The following PVT1 variants were observed in gnomAD, a reference collection of about 807,000 sequenced individuals.
The protein encoded by PVT1 is CXCR4/PVT1 fusion.
chr8:128,033,489 C>T (rs778217432), intron 4 of PVT1, among the ~76,000 whole-genome samples: 6 of 152,210 alleles, frequency 3.9e-5, no homozygotes, highest in Admixed American at 1.3e-4. Context: ...AGGTTGCTAT[C>T]GCCACAGGCT....
intron 2 of PVT1, among the ~76,000 whole-genome samples, chr8:127,816,824 T>C (rs909196403): frequency 6.6e-6 from 1 of 152,210 alleles, no homozygotes; most frequent in African/African-American, 2.4e-5. Flanking sequence ...TTTACTTCCT[T>C]TAGAGCTTTA....
Position 127,984,899 on chromosome 8 carries a change from TTCTTTCTTTCTTTCTTTCTTTCTCTTTC to T in PVT1, n.783-4244_783-4217del, listed in dbSNP as rs1347645743. Among the ~76,000 whole-genome samples the T allele has an allele frequency of 4.2e-3, 400 of 94,392 alleles. 18 individuals are homozygous for T. The highest frequency in any genetic ancestry group is 0.013 in the African/African-American group (379 of 28,568). 61.9% of individuals were successfully genotyped at this position (94,392 alleles called of 152,430 possible). On this transcript the variant is annotated intron_variant and non_coding_transcript_variant, in intron 3 of 10. Coordinates refer to ENST00000651587, the Ensembl canonical transcript of PVT1. Reference sequence around the variant, plus strand: ...TTTCTTTCTTTCTTTCTTTCTTTCTTTCTTTCTTTCTTTCTTTCTTTCTCTTTCTCTTTCTTTCTTTCTTTCCCCTTCC... The same window carrying T: ...TTTCTTTCTTTCTTTCTTTCTTTCTTTCTTTCTTTCTTTCTTTCCCCTTCC...
chr8:127,990,010 A>G (rs934745608), intron 4 of PVT1, among the ~76,000 whole-genome samples: 6 of 152,224 alleles, frequency 3.9e-5, no homozygotes, highest in African/African-American at 1.4e-4. Flanking sequence ...AATGCTCCAA[A>G]AGGGAAGAGA....
intron 2 of PVT1, among the ~76,000 whole-genome samples, chr8:127,797,135 C>T (rs2130183493): frequency 6.6e-6 from 1 of 152,206 alleles, no homozygotes; most frequent in South Asian, 2.1e-4. Flanking sequence ...GCCTTGGCCT[C>T]CCAAAATGCT....
intron 2 of PVT1, among the ~76,000 whole-genome samples, chr8:127,837,374 A>G (rs1586400489): frequency 6.8e-6 from 1 of 146,148 alleles, no homozygotes; most frequent in African/African-American, 2.5e-5. Flanking sequence ...GCATTGTATC[A>G]CTGAAGCGTT....
chr8:127,999,380 C>T (rs1390036380), intron 4 of PVT1: 2 of 152,084 alleles, frequency 1.3e-5, no homozygotes, highest in African/African-American at 4.8e-5. Flanking sequence ...GTAAATATTT[C>T]TCCAGGTATC....
chr8:127,936,352 G>A lies in PVT1; in HGVS notation n.782+45354G>A, dbSNP rs55912407. ...TAGGCGTGAGCCACCCCACCTGGTC[G>A]ACAGTGTCTTCTCTAAGCAGAACTG... On this transcript the variant is annotated intron_variant and non_coding_transcript_variant, in intron 3 of 10. Transcript: ENST00000651587. Among the ~76,000 whole-genome samples, 569 of 152,122 alleles carry A rather than the reference G, an allele frequency of 3.7e-3. 4 individuals are homozygous for A. Among genetic ancestry groups the A allele is most frequent in the African/African-American group, 0.013 (530 of 41,504 alleles).
chr8:127,958,364 C>T (rs1329108244), intron 3 of PVT1, among the ~76,000 whole-genome samples: 4 of 152,078 alleles, frequency 2.6e-5, no homozygotes, highest in African/African-American at 4.8e-5. Flanking sequence ...CTCAGCCCCC[C>T]GAGTAGGTGA....
intron 3 of PVT1, among the ~76,000 whole-genome samples, chr8:127,964,084 C>T (rs754968112): frequency 3.8e-4 from 58 of 152,198 alleles, no homozygotes; most frequent in Admixed American, 4.6e-4. Flanking sequence ...AGTGCCATGA[C>T]GACGATGACC....
chr8:128,049,208 T>C, intron 4 of PVT1: 1 of 531,862 alleles, frequency 1.9e-6, no homozygotes, highest in South Asian at 1.4e-5. Context: ...GGGCATCAGC[T>C]GGCCCTCATT....
At chr8:128,063,232 G>A (rs867159879) in intron 4 of PVT1, among the ~76,000 whole-genome samples, 6 of 152,124 alleles carry the variant, frequency 3.9e-5, no homozygotes, top group African/African-American at 1.4e-4. Flanking sequence ...ACACACGCAG[G>A]CCAGGCACAG....
chr8:127,871,966 C>T (rs1586415852), intron 2 of PVT1, among the ~76,000 whole-genome samples: 2 of 152,284 alleles, frequency 1.3e-5, no homozygotes, highest in East Asian at 1.9e-4. Context: ...GTGATGGGCA[C>T]CTGTAATCCC....
intron 2 of PVT1, among the ~76,000 whole-genome samples, chr8:127,843,340 G>A (rs984947416): frequency 2.0e-5 from 3 of 152,156 alleles, no homozygotes; most frequent in Non-Finnish European, 2.9e-5. Context: ...GCGAGACTCT[G>A]TCTCAAAAAA....
chr8:127,862,526 C>T (rs1336689973), intron 2 of PVT1, among the ~76,000 whole-genome samples: 2 of 152,126 alleles, frequency 1.3e-5, no homozygotes, highest in Non-Finnish European at 2.9e-5. Flanking sequence ...CTTAGACCTC[C>T]CAAGCTCAAG....
At chr8:127,831,565 T>G (rs1224890288) in intron 2 of PVT1, among the ~76,000 whole-genome samples, 1 of 151,204 alleles carries the variant, frequency 6.6e-6, no homozygotes, top group Non-Finnish European at 1.5e-5. Context: ...GGGAGTGGAG[T>G]ATAGATAGAA....
intron 4 of PVT1, among the ~76,000 whole-genome samples, chr8:127,990,811 A>G (rs1415402629): frequency 6.6e-6 from 1 of 152,164 alleles, no homozygotes; most frequent in African/African-American, 2.4e-5. Context: ...CAAGGTGGGG[A>G]TACTGGCACA....
At position 128,092,640 on chromosome 8, in the gene PVT1, A is replaced by T. The variant is rs1414313188; in HGVS notation, n.1115-3878A>T. ...ATAATTGAGCCCAGGTTGAATTATG[A>T]CGTTCACAGGTAAGAAGCAGGGTTC... On this transcript the variant is annotated intron_variant and non_coding_transcript_variant, in intron 5 of 10. Transcript: ENST00000651587. Among the ~76,000 whole-genome samples, 7 of 152,138 alleles carry T rather than the reference A, an allele frequency of 4.6e-5. No homozygotes were observed. The East Asian group carries it at 1.3e-3, about 29-fold the overall frequency.
chr8:127,845,124 G>A (rs1217298992), intron 2 of PVT1, among the ~76,000 whole-genome samples: 7 of 152,146 alleles, frequency 4.6e-5, no homozygotes, highest in Non-Finnish European at 7.3e-5. Context: ...TCTTAAATGA[G>A]GTGTGTTTAG....
intron 4 of PVT1, among the ~76,000 whole-genome samples, chr8:128,036,350 G>C (rs1282187940): frequency 1.3e-5 from 2 of 152,198 alleles, no homozygotes; most frequent in Non-Finnish European, 2.9e-5. Flanking sequence ...ATGTACCCCA[G>C]CACCTTCCTC....
Sources: allele counts gnomAD v4.1 joint callset (sites outside exome capture counted in the v4.1 genomes callset), GRCh38; gene constraint gnomAD v4.1.1; transcripts MANE v1.5; gene names NCBI Gene and HGNC (gene_info 2026-07-23, HGNC 2026-07-21).